LRMDA: variants seen among roughly 807,000 people sequenced by gnomAD.
LRMDA encodes the protein leucine-rich melanocyte differentiation-associated protein.
In LRMDA, 18 loss-of-function variants were observed where a neutral mutation model predicts 29.8. The observed-to-expected ratio is 0.60, with a 90% CI of 0.42 to 0.90. LRMDA has a LOEUF of 0.90. LRMDA is among the 40% of genes least tolerant of loss of function. LRMDA has a pLI of 0.00. For synonymous variants in LRMDA, 125 were observed against 109.4 expected (o/e 1.14, Z -0.89); for missense variants, 273 against 273.9 (o/e 1.00, Z 0.02).
intron 2 of LRMDA, among the ~76,000 whole-genome samples, chr10:75,953,885 G>A (rs1363703114): frequency 6.6e-6 from 1 of 152,112 alleles, no homozygotes; most frequent in Admixed American, 6.6e-5. Context: ...ATGGAGTGGT[G>A]GATCTTAAAA....
chr10:75,548,428 A>T (rs1335190068), intron 2 of LRMDA, among the ~76,000 whole-genome samples: 1 of 152,174 alleles, frequency 6.6e-6, no homozygotes, highest in African/African-American at 2.4e-5. Flanking sequence ...TTCCCATGCA[A>T]CAGTGAGGAA....
At chr10:75,743,180 A>G (rs559988832) in intron 2 of LRMDA, among the ~76,000 whole-genome samples, 13 of 151,916 alleles carry the variant, frequency 8.6e-5, no homozygotes, top group Non-Finnish European at 1.3e-4. Context: ...ACCTTGAAAT[A>G]ATTGTAGTTG....
rs1338537666 is a variant in LRMDA, at chr10:76,124,607, C to T, written c.516+65824C>T. On this transcript the variant is annotated intron_variant, in intron 5 of 6. Coordinates refer to ENST00000611255, the MANE Select transcript of LRMDA (RefSeq NM_001305581.2). Reference sequence around the variant, plus strand: ...CTGGCAGAACTCAATAGTAATTGAACCAGGCCACACCCTTAGGACTTAGGC... The same window carrying T: ...CTGGCAGAACTCAATAGTAATTGAATCAGGCCACACCCTTAGGACTTAGGC... Among the ~76,000 whole-genome samples the T allele has an allele frequency of 2.0e-5, 3 of 152,246 alleles. No homozygotes were observed. The East Asian group carries it at 5.8e-4, about 29-fold the overall frequency.
intron 6 of LRMDA, among the ~76,000 whole-genome samples, chr10:76,459,062 A>C (rs531989432): frequency 6.6e-6 from 1 of 152,126 alleles, no homozygotes; most frequent in African/African-American, 2.4e-5. Flanking sequence ...AAATAGATTC[A>C]GATTTGGTAT....
chr10:76,071,995 A>G (rs1304638714), intron 5 of LRMDA, among the ~76,000 whole-genome samples: 1 of 152,242 alleles, frequency 6.6e-6, no homozygotes, highest in Admixed American at 6.5e-5. Flanking sequence ...CACAACTCCA[A>G]AATGCTAACC....
intron 2 of LRMDA, among the ~76,000 whole-genome samples, chr10:75,585,582 G>T (rs894893273): frequency 6.6e-6 from 1 of 152,178 alleles, no homozygotes. Flanking sequence ...AAGTAGTTCT[G>T]TCAATTTGTG....
chr10:75,941,607 C>G (rs1846393432), intron 2 of LRMDA, among the ~76,000 whole-genome samples: 1 of 152,122 alleles, frequency 6.6e-6, no homozygotes, highest in Admixed American at 6.5e-5. Context: ...GTGGGCAGAT[C>G]TGCGACTTGA....
chr10:76,317,288 C>T (rs775688537), intron 5 of LRMDA, among the ~76,000 whole-genome samples: 33 of 152,224 alleles, frequency 2.2e-4, no homozygotes, highest in Non-Finnish European at 4.3e-4. Flanking sequence ...TAACCATTAG[C>T]GTTTACCATA....
chr10:76,193,970 TTG>T (rs1851290064), intron 5 of LRMDA, among the ~76,000 whole-genome samples: 1 of 152,176 alleles, frequency 6.6e-6, no homozygotes, highest in Non-Finnish European at 1.5e-5. Flanking sequence ...ACTTGATATT[TTG>T]ATGGTGGACA....
chr10:76,010,553 C>G (rs1195105605), intron 2 of LRMDA, among the ~76,000 whole-genome samples: 1 of 152,182 alleles, frequency 6.6e-6, no homozygotes, highest in South Asian at 2.1e-4. Context: ...ACCTCGTGAT[C>G]TGCCCACCTT....
intron 1 of LRMDA, 49 bp downstream of exon 1, chr10:75,431,803 G>A: frequency 7.6e-7 from 1 of 1,312,056 alleles, no homozygotes. Context: ...TCCGCGTGGG[G>A]AGGGACAGCG....
At chr10:76,004,580 A>G (rs1847615911) in intron 2 of LRMDA, among the ~76,000 whole-genome samples, 1 of 152,230 alleles carries the variant, frequency 6.6e-6, no homozygotes, top group Non-Finnish European at 1.5e-5. Context: ...CCCCAGGTCT[A>G]CTTTATCAGA....
chr10:76,249,186 C>T (rs1039228540), intron 5 of LRMDA, among the ~76,000 whole-genome samples: 4 of 152,198 alleles, frequency 2.6e-5, no homozygotes, highest in Admixed American at 6.5e-5. Flanking sequence ...ATATTACTCC[C>T]CATTTTTATG....
At chr10:75,580,933 G>T (rs919534838) in intron 2 of LRMDA, among the ~76,000 whole-genome samples, 1 of 152,166 alleles carries the variant, frequency 6.6e-6, no homozygotes, top group Non-Finnish European at 1.5e-5. Context: ...TTGGATTAAA[G>T]ACTTAAACAT....
chr10:76,181,892 T>A (rs1226394419), intron 5 of LRMDA, among the ~76,000 whole-genome samples: 2 of 152,162 alleles, frequency 1.3e-5, no homozygotes, highest in African/African-American at 4.8e-5. Context: ...AAGTCCTTTG[T>A]TATGTTTATT....
chr10:76,088,220 G>A (rs1392181012), intron 5 of LRMDA, among the ~76,000 whole-genome samples: 2 of 152,134 alleles, frequency 1.3e-5, no homozygotes, highest in Non-Finnish European at 2.9e-5. Flanking sequence ...TAATCTAGCC[G>A]AGGCTGGGTG....
At chr10:75,904,749 G>A (rs1438451285) in intron 2 of LRMDA, among the ~76,000 whole-genome samples, 1 of 152,168 alleles carries the variant, frequency 6.6e-6, no homozygotes, top group Non-Finnish European at 1.5e-5. Flanking sequence ...AATTTTCAAA[G>A]CCGTTATTCT....
intron 6 of LRMDA, among the ~76,000 whole-genome samples, chr10:76,349,920 C>CA (rs1564516833): frequency 6.6e-6 from 1 of 151,364 alleles, no homozygotes; most frequent in Non-Finnish European, 1.5e-5. Flanking sequence ...CATAACAAAA[C>CA]AAAAAAACAG....
intron 2 of LRMDA, among the ~76,000 whole-genome samples, chr10:75,631,771 A>G (rs1369108446): frequency 2.0e-5 from 3 of 152,072 alleles, no homozygotes; most frequent in African/African-American, 7.2e-5. Flanking sequence ...ATAGATTTGC[A>G]ATGAAACAGT....
Sources: gnomAD v4.1 joint callset for allele counts (sites outside exome capture counted in the v4.1 genomes callset) on GRCh38, gnomAD v4.1.1 for gene constraint, MANE v1.5 for transcripts, NCBI Gene and HGNC (gene_info 2026-07-23, HGNC 2026-07-21) for gene names.